CTSC: variants seen among roughly 807,000 people sequenced by gnomAD.
The protein encoded by CTSC is cathepsin C.
In CTSC, 37 loss-of-function variants were observed where a neutral mutation model predicts 40.9. The ratio of observed to expected loss-of-function variants is 0.91; its 90% confidence interval spans 0.70 to 1.19. The LOEUF is 1.19. Among genes scored for constraint, CTSC ranks in the 50% most tolerant of loss-of-function variants. The pLI, the probability that CTSC is intolerant of heterozygous loss-of-function variation, is 0.00. For missense variants in CTSC, 594 were observed against 567.3 expected, an observed-to-expected ratio of 1.05 and a Z score of -0.48; for synonymous variants, 232 against 207.4, an observed-to-expected ratio of 1.12 and a Z score of -1.02.
intron 5 of CTSC, chr11:88,297,325 C>T (rs907598608): frequency 6.6e-6 from 1 of 152,248 alleles, no homozygotes; most frequent in Admixed American, 6.5e-5. Context: ...GTACACTGAA[C>T]ATATAACTGT....
Position 88,315,739 on chromosome 11 carries a change from AC to A in CTSC, c.319-3186del, listed in dbSNP as rs558996548. Among the ~76,000 whole-genome samples, 167 of 151,524 alleles carry A rather than the reference AC, an allele frequency of 1.1e-3. 2 individuals are homozygous for A. Among genetic ancestry groups the A allele is most frequent in the Non-Finnish European group, 1.8e-4 (12 of 67,978 alleles). ...AGCATCCTACCCAATGCCATCCTCCACTTCTTCCTACAATTTGTCTTCTCAC... is the reference window on the plus strand; with the variant it reads ...AGCATCCTACCCAATGCCATCCTCCATTCTTCCTACAATTTGTCTTCTCAC... On this transcript the variant is annotated intron_variant, in intron 2 of 6. Coordinates refer to ENST00000227266, the MANE Select transcript of CTSC (RefSeq NM_001814.6).
chr11:88,326,350 C>T, intron 2 of CTSC: 1 of 1,613,912 alleles, frequency 6.2e-7, no homozygotes, highest in Non-Finnish European at 8.5e-7. Flanking sequence ...ACAGGTAGGT[C>T]CACACTGTCG....
At chr11:88,330,116 T>G (rs761784269) in intron 2 of CTSC, among the ~76,000 whole-genome samples, 9 of 152,240 alleles carry the variant, frequency 5.9e-5, no homozygotes, top group Non-Finnish European at 1.3e-4. Context: ...GAAACTGGCC[T>G]GTAGATAGTA....
chr11:88,328,211 C>A, intron 2 of CTSC: 2 of 1,564,996 alleles, frequency 1.3e-6, no homozygotes, highest in Non-Finnish European at 1.8e-6. Flanking sequence ...AAAGAGTTTA[C>A]AATGGTAAAC....
intron 4 of CTSC, among the ~76,000 whole-genome samples, chr11:88,301,318 C>T (rs986515318): frequency 1.3e-5 from 2 of 152,132 alleles, no homozygotes; most frequent in African/African-American, 2.4e-5. Context: ...GAGTAAATGA[C>T]TTTGTAACTT....
chr11:88,313,060 A>C lies in CTSC; in HGVS notation c.319-506T>G, dbSNP rs75619192. On this transcript the variant is annotated intron_variant, in intron 2 of 6. Transcript: ENST00000227266. Reference sequence around the variant, plus strand: ...ACAAGGGCCACACTAGGAAACTACAAGAACAAATGATGAACTTTTTTTTTC... The same window carrying C: ...ACAAGGGCCACACTAGGAAACTACACGAACAAATGATGAACTTTTTTTTTC... 8.4e-3 allele frequency among the ~76,000 whole-genome samples: 1,274 copies of C among 152,250 alleles called. 24 individuals are homozygous for C. Among genetic ancestry groups the C allele is most frequent in the African/African-American group, 0.029 (1,191 of 41,542 alleles).
chr11:88,301,812 A>G (rs1032422219), intron 4 of CTSC, among the ~76,000 whole-genome samples: 55 of 116,710 alleles, frequency 4.7e-4, no homozygotes, highest in Admixed American at 1.1e-3. Flanking sequence ...ACACGCGCGC[A>G]CACACACACA....
intron 5 of CTSC, chr11:88,299,613 G>C (rs566613140): frequency 6.6e-6 from 1 of 152,298 alleles, no homozygotes; most frequent in Admixed American, 6.5e-5. Flanking sequence ...ACACGGCAGA[G>C]ACTGATTATC....
chr11:88,329,498 A>C (rs1938289009), intron 2 of CTSC, among the ~76,000 whole-genome samples: 1 of 144,298 alleles, frequency 6.9e-6, no homozygotes, highest in Non-Finnish European at 1.5e-5. Flanking sequence ...ATTCAACAGG[A>C]GGTCATTTTT....
chr11:88,294,564 T>C (rs1944278459), intron 6 of CTSC, 56 bp from the exon 7 acceptor site: 1 of 1,592,356 alleles, frequency 6.3e-7, no homozygotes, highest in Non-Finnish European at 8.6e-7. Flanking sequence ...TTATCCCATT[T>C]TCTATTTTTT....
At position 88,293,961 on chromosome 11, in the gene CTSC, C is replaced by T. The variant is rs1308537705; in HGVS notation, c.*45G>A. ...ACAGTCTGTGAATATACCAATTCCC[C>T]TTTACAACTGATGCAGATCATTATG... is the stretch of plus-strand genomic sequence containing the variant. On this transcript the variant is annotated 3_prime_UTR_variant, in exon 7 of 7. Transcript: ENST00000227266. The T allele has an allele frequency of 1.2e-6, 2 of 1,606,506 alleles. No homozygotes were observed. Among genetic ancestry groups the T allele is most frequent in the Admixed American group, 1.7e-5 (1 of 59,966 alleles).
rs1938457539 is a variant in CTSC, at chr11:88,335,089, A to C, written c.173-7T>G. The stretch of plus-strand genomic sequence containing the variant: ...ACTTTTTTTTCTTGTGGTCCTAAAG[A>C]AAAAAAAAAAAAGCACAATAAAGGA... On this transcript the variant is annotated splice_region_variant and splice_polypyrimidine_tract_variant and intron_variant, in intron 1 of 6. Transcript: ENST00000227266. 1 of 646,880 alleles carries C rather than the reference A, an allele frequency of 1.5e-6. No homozygotes were observed. The highest frequency in any genetic ancestry group is 2.2e-6 in the Non-Finnish European group (1 of 464,542). The allele number at this position is 646,880 out of a possible 1,614,324, so 40.1% of individuals were successfully genotyped here.
rs558238578 is a variant in CTSC at position 88,310,024 on chromosome 11, C to A, written c.486-706G>T. On this transcript the variant is annotated intron_variant, in intron 3 of 6. Coordinates refer to ENST00000227266, the MANE Select transcript of CTSC (RefSeq NM_001814.6). Reference sequence around the variant, plus strand: ...TATATACAAAATGCAAGCATTATAACCATATGATACTAAAAGAAATTATAC... The same window carrying A: ...TATATACAAAATGCAAGCATTATAAACATATGATACTAAAAGAAATTATAC... Among the ~76,000 whole-genome samples, 9 of 152,126 alleles carry A rather than the reference C, an allele frequency of 5.9e-5. No homozygotes were observed. The East Asian group carries it at 7.7e-4, about 13-fold the overall frequency.
At chr11:88,306,572 G>C (rs111817997) in intron 4 of CTSC, among the ~76,000 whole-genome samples, 19 of 152,192 alleles carry the variant, frequency 1.2e-4, no homozygotes, top group African/African-American at 4.6e-4. Flanking sequence ...GGAGGGAAGA[G>C]GTATTTGAAC....
At chr11:88,325,769 A>G in intron 2 of CTSC, 4 of 985,424 alleles carry the variant, frequency 4.1e-6, no homozygotes, top group Non-Finnish European at 4.8e-6. Context: ...TATAATCTGT[A>G]GAAGTATACT....
chr11:88,306,933 AG>A (rs773893205), intron 4 of CTSC, among the ~76,000 whole-genome samples: 1 of 152,108 alleles, frequency 6.6e-6, no homozygotes, highest in Non-Finnish European at 1.5e-5. Context: ...AGAGCCCAAA[AG>A]CACCCCCCAT....
At chr11:88,315,897 T>C (rs796820171) in intron 2 of CTSC, among the ~76,000 whole-genome samples, 2 of 152,130 alleles carry the variant, frequency 1.3e-5, no homozygotes, top group African/African-American at 4.8e-5. Context: ...CTCTTTGGGA[T>C]AAAATTTCTT....
At chr11:88,322,625 C>T (rs1038866341) in intron 2 of CTSC, 4 of 151,972 alleles carry the variant, frequency 2.6e-5, no homozygotes, top group African/African-American at 9.7e-5. Flanking sequence ...CAACCAACAG[C>T]AAATACTACA....
chr11:88,330,548 C>G (rs1027332404), intron 2 of CTSC, among the ~76,000 whole-genome samples: 1 of 152,000 alleles, frequency 6.6e-6, no homozygotes, highest in African/African-American at 2.4e-5. Context: ...GGGGTTTCTT[C>G]ATGTTGGCCA....
Sources: allele counts gnomAD v4.1 joint callset (sites outside exome capture counted in the v4.1 genomes callset), GRCh38; gene constraint gnomAD v4.1.1; transcripts MANE v1.5; gene names NCBI Gene and HGNC (gene_info 2026-07-23, HGNC 2026-07-21).